Variants in MGAT5 observed in about 807,000 individuals in gnomAD.
The protein encoded by MGAT5 is alpha-1,6-mannosylglycoprotein 6-beta-N-acetylglucosaminyltransferase A.
MGAT5 carries 30 observed loss-of-function variants against 94.3 expected under a neutral mutation model. The ratio of observed to expected loss-of-function variants is 0.32; its 90% CI spans 0.24 to 0.43. The LOEUF (loss-of-function observed/expected upper bound fraction) is 0.43. Among genes scored for constraint, MGAT5 ranks in the 20% least tolerant of loss-of-function variants. The pLI is 1.00. For synonymous variants in MGAT5, 310 were observed against 322.9 expected (o/e 0.96, Z 0.43); for missense variants, 691 against 905.5 (o/e 0.76, Z 3.04).
chr2:134,381,382 T>TAGATTAGCTAGATAGATAGA (rs1553457734), intron 10 of MGAT5, among the ~76,000 whole-genome samples: 1 of 108,512 alleles, frequency 9.2e-6, no homozygotes. Context: ...ATAAGATAGA[T>TAGATTAGCTAGATAGATAGA]TAGATAGATA....
chr2:134,389,561 A>T (rs1479591186), intron 10 of MGAT5, among the ~76,000 whole-genome samples: 1 of 152,190 alleles, frequency 6.6e-6, no homozygotes. Context: ...TTCCCTGGTG[A>T]TTAATTTTTT....
intron 10 of MGAT5, among the ~76,000 whole-genome samples, chr2:134,365,917 A>G (rs56341809): frequency 0.061 from 9,262 of 152,070 alleles, 317 homozygotes; most frequent in South Asian, 0.085. Context: ...TTCATGACCA[A>G]GGTACTCAAT....
chr2:134,353,780 C>T (rs1679543603), intron 9 of MGAT5, among the ~76,000 whole-genome samples: 1 of 152,142 alleles, frequency 6.6e-6, no homozygotes, highest in South Asian at 2.1e-4. Flanking sequence ...GGAAAACTTT[C>T]TCATGGACGA....
At chr2:134,241,957 C>T (rs536261437) in intron 1 of MGAT5, among the ~76,000 whole-genome samples, 1 of 152,120 alleles carries the variant, frequency 6.6e-6, no homozygotes, top group African/African-American at 2.4e-5. Flanking sequence ...TGGAAAATAT[C>T]GGAATTAGAA....
intron 1 of MGAT5, among the ~76,000 whole-genome samples, chr2:134,153,214 C>T (rs998647913): frequency 7.2e-5 from 11 of 152,208 alleles, no homozygotes; most frequent in African/African-American, 1.4e-4. Flanking sequence ...GCCACCACGC[C>T]GGGCCAGAGT....
At chr2:134,229,405 CAT>C (rs1158674593) in intron 1 of MGAT5, among the ~76,000 whole-genome samples, 5 of 152,334 alleles carry the variant, frequency 3.3e-5, no homozygotes, top group African/African-American at 7.2e-5. Context: ...TGCCTACACA[CAT>C]GTGTGTTTCG....
intron 1 of MGAT5, among the ~76,000 whole-genome samples, chr2:134,219,301 A>G (rs1010731963): frequency 1.3e-5 from 2 of 152,084 alleles, no homozygotes; most frequent in African/African-American, 4.8e-5. Flanking sequence ...TGCAGTGCAC[A>G]GTTTACTGTA....
At chr2:134,166,869 G>A (rs970532748) in intron 1 of MGAT5, among the ~76,000 whole-genome samples, 2 of 152,114 alleles carry the variant, frequency 1.3e-5, no homozygotes, top group African/African-American at 4.8e-5. Flanking sequence ...TTCTTTATAG[G>A]GAATTCACTT....
chr2:134,433,107 C>T (rs1684978358), intron 14 of MGAT5, among the ~76,000 whole-genome samples: 1 of 152,222 alleles, frequency 6.6e-6, no homozygotes, highest in Non-Finnish European at 1.5e-5. Flanking sequence ...CACCCCAGGC[C>T]TAGGAAACCA....
intron 2 of MGAT5, among the ~76,000 whole-genome samples, chr2:134,303,656 T>C (rs969663671): frequency 1.3e-5 from 2 of 152,164 alleles, no homozygotes; most frequent in African/African-American, 4.8e-5. Context: ...GCTGAAGTCT[T>C]GTGAATACTT....
At chr2:134,444,068 G>A (rs1685639529) in intron 15 of MGAT5, among the ~76,000 whole-genome samples, 1 of 152,194 alleles carries the variant, frequency 6.6e-6, no homozygotes, top group Non-Finnish European at 1.5e-5. Flanking sequence ...AGGAGAAAGA[G>A]CAAATGGCCA....
At position 134,370,009 on chromosome 2, in the gene MGAT5, G is replaced by A. The variant is rs576910902; in HGVS notation, c.1380+7601G>A. On this transcript the variant is annotated intron_variant, in intron 10 of 15. Transcript: ENST00000281923. ...CCAGTAAGATTTAACTGGGGAAAAG[G>A]GTGGTTAAAGTCTCAGACTAGGTGA... Among the ~76,000 whole-genome samples the A allele has an allele frequency of 9.2e-5, 14 of 152,218 alleles. No homozygotes were observed. The East Asian group carries it at 2.3e-3, about 25-fold the overall frequency.
intron 1 of MGAT5, among the ~76,000 whole-genome samples, chr2:134,158,008 ATATCTG>A (rs1687557649): frequency 1.3e-5 from 2 of 152,266 alleles, no homozygotes; most frequent in Middle Eastern, 3.4e-3. Context: ...GGTTGTTCTG[ATATCTG>A]GCCGAGTCTG....
At chr2:134,365,078 T>C (rs1366384858) in intron 10 of MGAT5, among the ~76,000 whole-genome samples, 2 of 152,174 alleles carry the variant, frequency 1.3e-5, no homozygotes, top group Admixed American at 1.3e-4. Flanking sequence ...GGAAGGGAAG[T>C]GGCACCTTTG....
intron 9 of MGAT5, among the ~76,000 whole-genome samples, chr2:134,353,079 C>T (rs1679490830): frequency 6.6e-6 from 1 of 152,060 alleles, no homozygotes; most frequent in Non-Finnish European, 1.5e-5. Flanking sequence ...TATGGGGTTT[C>T]AGTATTACAA....
intron 1 of MGAT5, among the ~76,000 whole-genome samples, chr2:134,241,709 T>C (rs1228292380): frequency 6.6e-6 from 1 of 152,196 alleles, no homozygotes; most frequent in African/African-American, 2.4e-5. Flanking sequence ...CTTTCTCATA[T>C]ATATGTAAAC....
intron 1 of MGAT5, among the ~76,000 whole-genome samples, chr2:134,190,254 A>AT (rs1458917009): frequency 6.6e-6 from 1 of 152,090 alleles, no homozygotes; most frequent in Non-Finnish European, 1.5e-5. Context: ...TTGTGGTAAG[A>AT]TTTTTTTGTG....
At chr2:134,395,719 A>G (rs1477916928) in intron 10 of MGAT5, among the ~76,000 whole-genome samples, 1 of 152,154 alleles carries the variant, frequency 6.6e-6, no homozygotes, top group South Asian at 2.1e-4. Context: ...TTTCCGTACC[A>G]CCCATTTAGC....
At chr2:134,431,511 T>G (rs1253801076) in intron 14 of MGAT5, among the ~76,000 whole-genome samples, 2 of 151,984 alleles carry the variant, frequency 1.3e-5, no homozygotes, top group African/African-American at 4.8e-5. Context: ...GACCCCAGTG[T>G]TTTAGAGGTT....
Sources: allele counts gnomAD v4.1 joint callset (sites outside exome capture counted in the v4.1 genomes callset), GRCh38; gene constraint gnomAD v4.1.1; transcripts MANE v1.5; gene names NCBI Gene and HGNC (gene_info 2026-07-23, HGNC 2026-07-21).